The following LRRC37A2 variants were observed in gnomAD, a reference collection of about 807,000 sequenced individuals.
LRRC37A2 encodes leucine-rich repeat-containing protein 37A2.
In LRRC37A2, 9 loss-of-function variants were observed where a neutral mutation model predicts 68.8. The observed-to-expected ratio is 0.13, with a 90% CI of 0.08 to 0.23. The LOEUF is 0.23. LRRC37A2 is among the 10% of genes least tolerant of loss of function. The pLI, the probability that LRRC37A2 is intolerant of heterozygous loss-of-function variation, is 1.00. For synonymous variants in LRRC37A2, 63 were observed against 367.6 expected, an observed-to-expected ratio of 0.17 and a Z score of 9.48; for missense variants, 168 against 950.4, an observed-to-expected ratio of 0.18 and a Z score of 10.82.
At chr17:46,891,981 G>A in the LRRC37A2 span, among the ~76,000 whole-genome samples, 2 of 136,596 alleles carry the variant, frequency 1.5e-5, no homozygotes, top group Non-Finnish European at 3.0e-5. Flanking sequence ...GTGCAGTGGT[G>A]TGATCTCAGC....
the LRRC37A2 span, among the ~76,000 whole-genome samples, chr17:46,501,514 G>A: frequency 1.3e-5 from 2 of 151,258 alleles, no homozygotes; most frequent in Non-Finnish European, 2.9e-5. Context: ...GTGTGGGCGT[G>A]ACCAAGTCGT....
At chr17:46,793,076 C>G in the LRRC37A2 span, among the ~76,000 whole-genome samples, 1 of 147,090 alleles carries the variant, frequency 6.8e-6, no homozygotes, top group Non-Finnish European at 1.5e-5. Context: ...ACTAGCCTAG[C>G]CGAGAAAGCA....
At chr17:46,743,239 T>G in the LRRC37A2 span, among the ~76,000 whole-genome samples, 1 of 152,184 alleles carries the variant, frequency 6.6e-6, no homozygotes, top group Non-Finnish European at 1.5e-5. Flanking sequence ...GTGTTTGTTT[T>G]TGGGAAGAGA....
the LRRC37A2 span, chr17:46,755,681 A>G: frequency 3.7e-6 from 4 of 1,092,666 alleles, no homozygotes; most frequent in East Asian, 7.5e-5. Context: ...TAGCAAATGC[A>G]TAGTGGGAAA....
the LRRC37A2 span, among the ~76,000 whole-genome samples, chr17:46,916,004 A>G: frequency 1.3e-5 from 2 of 152,302 alleles, no homozygotes; most frequent in South Asian, 2.1e-4. Flanking sequence ...CTCTCACCAC[A>G]TTTATGACCA....
chr17:46,953,225 G>A, the LRRC37A2 span, among the ~76,000 whole-genome samples: 1 of 151,744 alleles, frequency 6.6e-6, no homozygotes, highest in Non-Finnish European at 1.5e-5. Context: ...AGTCTCCGGT[G>A]TGTGATGTTC....
the LRRC37A2 span, among the ~76,000 whole-genome samples, chr17:46,847,545 C>A: frequency 8.5e-5 from 13 of 152,192 alleles, no homozygotes; most frequent in African/African-American, 2.9e-4. Context: ...GGCCAGGTCA[C>A]CTGGAGGATG....
At chr17:46,967,842 AG>A in the LRRC37A2 span, among the ~76,000 whole-genome samples, 14 of 152,308 alleles carry the variant, frequency 9.2e-5, no homozygotes, top group East Asian at 2.5e-3. Context: ...TAGGGGGCCC[AG>A]AGACCATTTG....
chr17:46,943,943 C>G, the LRRC37A2 span, among the ~76,000 whole-genome samples: 1 of 152,076 alleles, frequency 6.6e-6, no homozygotes, highest in Non-Finnish European at 1.5e-5. Flanking sequence ...AAGGCTAGGA[C>G]AGGCGTGACT....
chr17:46,724,355 A>T, the LRRC37A2 span, among the ~76,000 whole-genome samples: 1 of 152,232 alleles, frequency 6.6e-6, no homozygotes, highest in African/African-American at 2.4e-5. Context: ...GTCATGGCTC[A>T]GACAGTGAGT....
At chr17:46,749,324 G>A in the LRRC37A2 span, among the ~76,000 whole-genome samples, 1 of 152,188 alleles carries the variant, frequency 6.6e-6, no homozygotes, top group East Asian at 1.9e-4. Context: ...TTACAGTTCA[G>A]TGTTGCATAA....
chr17:46,929,791 ACCC>A, the LRRC37A2 span: 5 of 553,474 alleles, frequency 9.0e-6, no homozygotes, highest in Admixed American at 1.2e-4. Flanking sequence ...ATCCCCCATT[ACCC>A]CTCCACTCAA....
the LRRC37A2 span, among the ~76,000 whole-genome samples, chr17:46,762,028 C>CT: frequency 3.3e-5 from 5 of 152,254 alleles, no homozygotes; most frequent in African/African-American, 1.2e-4. Context: ...CCCTCTACGG[C>CT]TTAGCTCTCA....
chr17:46,935,536 G>C, the LRRC37A2 span: 11 of 1,245,780 alleles, frequency 8.8e-6, no homozygotes, highest in Non-Finnish European at 1.0e-5. Flanking sequence ...TTGGTACCTC[G>C]CTTTAAGGTG....
the LRRC37A2 span, among the ~76,000 whole-genome samples, chr17:46,789,558 G>A: frequency 6.6e-5 from 10 of 151,228 alleles, no homozygotes; most frequent in East Asian, 1.9e-4. Context: ...GGCCAAAGAC[G>A]TTTAATCTGA....
At chr17:46,526,662 GGTCT>G (rs1311027093) in intron 6 of LRRC37A2, among the ~76,000 whole-genome samples, 1 of 108,336 alleles carries the variant, frequency 9.2e-6, no homozygotes, top group East Asian at 2.4e-4. Flanking sequence ...AGGGTGATAG[GGTCT>G]GTCTATTTTG....
At chr17:46,967,761 A>T in the LRRC37A2 span, among the ~76,000 whole-genome samples, 1 of 152,130 alleles carries the variant, frequency 6.6e-6, no homozygotes, top group Non-Finnish European at 1.5e-5. Flanking sequence ...TACTGGAGAG[A>T]AGCAACATGG....
the LRRC37A2 span, among the ~76,000 whole-genome samples, chr17:46,605,400 A>G: frequency 7.1e-6 from 1 of 140,844 alleles, no homozygotes; most frequent in Non-Finnish European, 1.6e-5. Flanking sequence ...GTGAGCCGAG[A>G]TCGTGCCATT....
At chr17:46,785,264 G>A in the LRRC37A2 span, among the ~76,000 whole-genome samples, 2 of 152,094 alleles carry the variant, frequency 1.3e-5, no homozygotes, top group Non-Finnish European at 2.9e-5. Context: ...ACGTTGCCTC[G>A]GCTTAACTCT....
Sources: gnomAD v4.1 joint callset for allele counts (sites outside exome capture counted in the v4.1 genomes callset) on GRCh38, gnomAD v4.1.1 for gene constraint, MANE v1.5 for transcripts, NCBI Gene and HGNC (gene_info 2026-07-23, HGNC 2026-07-21) for gene names.